The following IQCH variants were observed in gnomAD, a reference collection of about 807,000 sequenced individuals.
IQCH encodes IQ domain-containing protein H.
Under a neutral mutation model 117.0 loss-of-function variants are expected in IQCH, and 98 were observed. The observed-to-expected ratio is 0.84, with a 90% CI of 0.71 to 0.99. The LOEUF is 0.99. IQCH is among the 50% of genes least tolerant of loss of function. The probability of loss-of-function intolerance (pLI) is 0.00; values close to 1 mark genes in which losing one functional copy is unlikely to be tolerated. For synonymous variants in IQCH, 412 were observed against 448.2 expected (o/e 0.92, Z 1.02); for missense variants, 1,102 against 1,243.8 (o/e 0.89, Z 1.72).
At chr15:67,398,724 T>G (rs545256925) in intron 13 of IQCH, among the ~76,000 whole-genome samples, 1 of 151,846 alleles carries the variant, frequency 6.6e-6, no homozygotes, top group African/African-American at 2.4e-5. Context: ...TTCACACTCT[T>G]TAGTTAAAAA....
chr15:67,359,700 T>C lies in IQCH; in HGVS notation c.715-147T>C. Reference sequence around the variant, plus strand: ...AGTGTGGGAAAGGTCTTTCTAATTATTAGCTCCTGCCTGCGTGGAAAGAGA... The same window carrying C: ...AGTGTGGGAAAGGTCTTTCTAATTACTAGCTCCTGCCTGCGTGGAAAGAGA... On this transcript the variant is annotated intron_variant, in intron 7 of 20. Transcript: ENST00000335894. The surrounding 1 kb of genome is among the most constrained non-coding windows in gnomAD (Gnocchi z 4.5). The C allele has an allele frequency of 2.7e-6, 2 of 730,808 alleles. No individual in the cohort carries two copies. Among genetic ancestry groups the C allele is most frequent in the Non-Finnish European group, 4.9e-6 (2 of 410,388 alleles). 45.3% of individuals were successfully genotyped at this position (730,808 alleles called of 1,614,324 possible).
chr15:67,371,421 T>C, intron 8 of IQCH: 1 of 1,351,898 alleles, frequency 7.4e-7, no homozygotes, highest in African/African-American at 1.5e-5. Flanking sequence ...CTTGGTTTTG[T>C]TATCAGATTT....
chr15:67,295,000 C>A (rs1966843537), intron 4 of IQCH, among the ~76,000 whole-genome samples: 2 of 152,058 alleles, frequency 1.3e-5, no homozygotes, highest in Admixed American at 6.6e-5. Flanking sequence ...ATTTTATGAC[C>A]CCAAATTTCA....
At chr15:67,336,244 C>T (rs1230077855) in intron 4 of IQCH, among the ~76,000 whole-genome samples, 24 of 146,556 alleles carry the variant, frequency 1.6e-4, no homozygotes, top group Non-Finnish European at 7.4e-5. Flanking sequence ...AAATACCAAA[C>T]TATAAATACC....
At chr15:67,334,422 G>A (rs1288113720) in intron 4 of IQCH, among the ~76,000 whole-genome samples, 2 of 151,882 alleles carry the variant, frequency 1.3e-5, no homozygotes, top group South Asian at 2.1e-4. Flanking sequence ...GCTCCTTCTC[G>A]TCAGTGAAAT....
chr15:67,410,979 C>T (rs2081434721), intron 14 of IQCH, among the ~76,000 whole-genome samples: 1 of 152,192 alleles, frequency 6.6e-6, no homozygotes. Context: ...GGGGATGACA[C>T]TGTCTACCTC....
At chr15:67,257,506 CACTT>C (rs1965273472) in intron 1 of IQCH, among the ~76,000 whole-genome samples, 1 of 152,206 alleles carries the variant, frequency 6.6e-6, no homozygotes, top group Admixed American at 6.5e-5. Context: ...TTACAGAAGA[CACTT>C]AGGTACAAAG....
intron 15 of IQCH, among the ~76,000 whole-genome samples, chr15:67,418,361 G>A (rs1054488632): frequency 5.9e-5 from 9 of 152,112 alleles, no homozygotes; most frequent in African/African-American, 2.2e-4. Flanking sequence ...TTGCTGGAAA[G>A]AGATTCTTTG....
chr15:67,485,272 T>G (rs2083444296), intron 18 of IQCH, among the ~76,000 whole-genome samples: 1 of 152,116 alleles, frequency 6.6e-6, no homozygotes, highest in East Asian at 1.9e-4. Flanking sequence ...CAAAAATTAG[T>G]GTGACAAAAT....
intron 10 of IQCH, among the ~76,000 whole-genome samples, chr15:67,377,115 C>CAAAAAAAAAAAAAAAAAAAAA (rs5813442): frequency 1.2e-5 from 1 of 82,040 alleles, no homozygotes; most frequent in African/African-American, 6.0e-5. Context: ...GACTCCATCT[C>CAAAAAAAAAAAAAAAAAAAAA]AAAAAAAAAA....
At chr15:67,347,232 C>T (rs1377382347) in intron 6 of IQCH, among the ~76,000 whole-genome samples, 2 of 148,204 alleles carry the variant, frequency 1.3e-5, no homozygotes, top group Non-Finnish European at 3.0e-5. Flanking sequence ...TTCAGTGAAA[C>T]CAAACTGTGT....
rs140920605 is a variant in IQCH, at chr15:67,459,759, G to A, written c.2506-5368G>A. The A allele has an allele frequency of 1.3e-5, 2 of 152,378 alleles. No homozygotes were observed. The highest frequency in any genetic ancestry group is 4.8e-5 in the African/African-American group (2 of 41,568). 9.4% of individuals were successfully genotyped at this position (152,378 alleles called of 1,614,324 possible). On this transcript the variant is annotated intron_variant, in intron 16 of 20. Transcript: ENST00000335894. The surrounding 1 kb of genome is among the most constrained non-coding windows in gnomAD (Gnocchi z 4.2). ...CAGCACAGTAGCAGTCAGGGCAGTG[G>A]AGAGCAGGGGCCTCTGTAGCACTTC...
intron 3 of IQCH, among the ~76,000 whole-genome samples, chr15:67,277,530 CTT>C (rs574311972): frequency 0.2 from 25,440 of 128,144 alleles, 2,776 homozygotes; most frequent in East Asian, 0.44. Context: ...CCTCCAGTAT[CTT>C]TTTTTTTTTT....
intron 18 of IQCH, among the ~76,000 whole-genome samples, chr15:67,487,125 G>C (rs2083505422): frequency 6.6e-6 from 1 of 152,230 alleles, no homozygotes; most frequent in South Asian, 2.1e-4. Flanking sequence ...CTGAGGTCAG[G>C]AGTTTGAGAC....
In IQCH at chr15:67,344,098, C is replaced by T; in HGVS notation, c.544C>T (p.Pro182Ser). Residue 182 changes from proline (P) to serine (S), a missense_variant, in exon 6 of 21, where the codon CCA (proline) becomes TCA (serine). Physicochemically the swap from Pro to Ser is moderately conservative, Grantham distance 74. Around this residue, in one of 2 missense-constraint regions of IQCH, gnomAD observed 452 missense variants for 449.6 expected, o/e 1.01. Coordinates refer to ENST00000335894, the MANE Select transcript of IQCH (RefSeq NM_001031715.3). ...LSMIERGLIP[P>S]TARITFQNPP... ...TATGATAGAACGAGGGCTGATTCCA[C>T]CAACAGCAAGGATTACCTTTCAGAA... 2 of 1,612,858 alleles carry T rather than the reference C, an allele frequency of 1.2e-6. No individual in the cohort carries two copies. The highest frequency in any genetic ancestry group is 1.7e-6 in the Non-Finnish European group (2 of 1,178,922).
chr15:67,290,047 C>T (rs942398684), intron 4 of IQCH, among the ~76,000 whole-genome samples: 4 of 152,020 alleles, frequency 2.6e-5, no homozygotes, highest in African/African-American at 9.7e-5. Flanking sequence ...CTTTTGTCTT[C>T]ATTCGACTGG....
intron 17 of IQCH, among the ~76,000 whole-genome samples, chr15:67,471,343 C>T (rs1284868514): frequency 2.6e-5 from 4 of 152,250 alleles, no homozygotes; most frequent in South Asian, 2.1e-4. Context: ...TGTACAGCAT[C>T]AGAAGAGACT....
intron 9 of IQCH, 28 bp downstream of exon 9, chr15:67,372,690 A>G: frequency 1.3e-6 from 2 of 1,549,196 alleles, no homozygotes. Context: ...CTGTTAAGGC[A>G]GACCTCTTTT....
intron 16 of IQCH, among the ~76,000 whole-genome samples, chr15:67,444,392 T>C (rs528479933): frequency 6.6e-5 from 10 of 152,326 alleles, no homozygotes; most frequent in African/African-American, 2.4e-4. Context: ...GATGGAAACA[T>C]TGAAAACAGA....
Sources: gnomAD v4.1 joint callset for allele counts (sites outside exome capture counted in the v4.1 genomes callset) on GRCh38, gnomAD v4.1.1 for gene constraint, gnomAD v4.1.1 regional missense constraint, Gnocchi (gnomAD v3.1) non-coding constraint, MANE v1.5 for transcripts, NCBI Gene and HGNC (gene_info 2026-07-23, HGNC 2026-07-21) for gene names.